Variants in AGO4 observed in about 807,000 individuals in gnomAD.
The protein encoded by AGO4 is argonaute RISC component 4.
In AGO4, 33 loss-of-function variants were observed where a neutral mutation model predicts 104.7. That is an observed-to-expected ratio of 0.32 (90% confidence interval 0.24 to 0.42). The LOEUF (loss-of-function observed/expected upper bound fraction) is 0.42, where lower values mean the gene tolerates loss of function less well. AGO4 is among the 10% of genes least tolerant of loss of function. The pLI, the probability that AGO4 is intolerant of heterozygous loss-of-function variation, is 1.00. For synonymous variants in AGO4, 331 were observed against 364.7 expected (o/e 0.91, Z 1.05); for missense variants, 711 against 1,083.4 (o/e 0.66, Z 4.83).
intron 1 of AGO4, among the ~76,000 whole-genome samples, chr1:35,815,417 T>C (rs150603438): frequency 6.6e-6 from 1 of 152,300 alleles, no homozygotes; most frequent in Non-Finnish European, 1.5e-5. Flanking sequence ...CTCCACAAGA[T>C]CTTTTTCTGC....
In AGO4 at chr1:35,821,016, A is replaced by C. The variant is rs183728386; in HGVS notation, c.186-1846A>C. Among the ~76,000 whole-genome samples, 771 of 152,254 alleles carry C rather than the reference A, an allele frequency of 5.1e-3. 2 individuals carry two copies. Among genetic ancestry groups the C allele is most frequent in the Non-Finnish European group, 9.0e-3 (615 of 68,006 alleles). ...CAAGGTCATGCAGTTCTGCCACTTA[A>C]TCATTGTGTGATCAGGGACAAGCCA... is the stretch of plus-strand genomic sequence containing the variant. On this transcript the variant is annotated intron_variant, in intron 2 of 17. Coordinates refer to ENST00000373210, the MANE Select transcript of AGO4 (RefSeq NM_017629.4).
Position 35,850,138 on chromosome 1 carries a change from T to A in AGO4, c.2176-19T>A. ...GTTTGGCACTTTGATGACTAATTAC[T>A]TTTTTTTGTTTTTTGTAGGTAGGGA... On this transcript the variant is annotated intron_variant, in intron 15 of 17. Coordinates refer to ENST00000373210, the MANE Select transcript of AGO4 (RefSeq NM_017629.4). 6.7e-7 allele frequency: 1 copy of A among 1,499,382 alleles called. No homozygotes were observed. The allele number at this position is 1,499,382 out of a possible 1,614,324, so 92.9% of individuals were successfully genotyped here. A position where few individuals can be genotyped will look rare whatever the true frequency, so the allele number is the denominator to read the frequency against.
intron 1 of AGO4, among the ~76,000 whole-genome samples, chr1:35,811,080 G>A (rs773041682): frequency 6.6e-6 from 1 of 152,006 alleles, no homozygotes; most frequent in Admixed American, 6.6e-5. Flanking sequence ...TTGAGCCTGC[G>A]AGGCAGAGGA....
chr1:35,837,394 T>G (rs1485118529), intron 13 of AGO4, among the ~76,000 whole-genome samples: 1 of 150,368 alleles, frequency 6.7e-6, no homozygotes, highest in African/African-American at 2.5e-5. Context: ...TGTTTTTTTT[T>G]TTGGGACAGG....
At position 35,841,249 on chromosome 1, in the gene AGO4, T is replaced by G. The variant is rs1644434241; in HGVS notation, c.1809T>G (p.Ile603Met). Residue 603 changes from isoleucine (I) to methionine (M), a missense_variant, in exon 14 of 18, where the codon ATT becomes ATG. This residue lies in a region of AGO4 where 401 missense variants were observed against 665.5 expected (regional missense o/e 0.60). Coordinates refer to ENST00000373210, the MANE Select transcript of AGO4 (RefSeq NM_017629.4). This position sits in a 1 kb window ranked among gnomAD's most constrained non-coding sequence, Gnocchi z 4.7. ...CAGGGGATGGGAAGAAACCTTCCAT[T>G]GCTGCTGTGGTTGGCAGTATGGATG... The part of the protein sequence containing the change: ...PPAGDGKKPS[I>M]AAVVGSMDGH... 1 of 1,614,064 alleles carries G rather than the reference T, an allele frequency of 6.2e-7. No individual in the cohort carries two copies. The highest frequency in any genetic ancestry group is 8.5e-7 in the Non-Finnish European group (1 of 1,180,026).
intron 17 of AGO4, among the ~76,000 whole-genome samples, chr1:35,852,207 A>G (rs1644718235): frequency 6.6e-6 from 1 of 152,220 alleles, no homozygotes; most frequent in African/African-American, 2.4e-5. Context: ...TGTTAAATGT[A>G]AAATGCTGTT....
chr1:35,822,139 C>T (rs1365441312), intron 2 of AGO4, among the ~76,000 whole-genome samples: 3 of 151,944 alleles, frequency 2.0e-5, no homozygotes, highest in East Asian at 3.9e-4. Flanking sequence ...CTCGGCCTCC[C>T]AAAGTGCTGG....
chr1:35,847,477 G>T (rs1644599952), intron 15 of AGO4, among the ~76,000 whole-genome samples: 1 of 152,012 alleles, frequency 6.6e-6, no homozygotes, highest in Admixed American at 6.6e-5. Flanking sequence ...CAAGTAATCT[G>T]CCTGCCTTGG....
chr1:35,841,367 G>T lies in AGO4; in HGVS notation c.1927G>T (p.Asp643Tyr). 1 of 1,614,154 alleles carries T rather than the reference G, an allele frequency of 6.2e-7. No individual in the cohort carries two copies. The highest frequency in any genetic ancestry group is 8.5e-7 in the Non-Finnish European group (1 of 1,180,036). ...CCTCTACAGTCAAGAGGTCATCCAG[G>T]ACCTGACTAACATGGTTCGAGAGCT... The part of the protein sequence containing the change: ...ELLYSQEVIQ[D>Y]LTNMVRELLI... Residue 643 changes from aspartate (D) to tyrosine (Y), a missense_variant, in exon 14 of 18, where the codon GAC (aspartate) becomes TAC (tyrosine). Asp to Tyr is a radical substitution (Grantham distance 160, BLOSUM62 -3). This residue lies in a region of AGO4 where 401 missense variants were observed against 665.5 expected (regional missense o/e 0.60). Coordinates refer to ENST00000373210, the MANE Select transcript of AGO4 (RefSeq NM_017629.4). The surrounding 1 kb of genome is among the most constrained non-coding windows in gnomAD (Gnocchi z 4.7).
chr1:35,846,521 C>T (rs1167388790), intron 15 of AGO4, among the ~76,000 whole-genome samples: 2 of 151,678 alleles, frequency 1.3e-5, no homozygotes, highest in Non-Finnish European at 1.5e-5. Flanking sequence ...GGCGTGAATC[C>T]GGGAGGTGGA....
chr1:35,825,512 G>T lies in AGO4; in HGVS notation c.488+18G>T. 1 of 1,602,470 alleles carries T rather than the reference G, an allele frequency of 6.2e-7. No homozygotes were observed. The highest frequency in any genetic ancestry group is 8.5e-7 in the Non-Finnish European group (1 of 1,173,354). On this transcript the variant is annotated intron_variant, in intron 4 of 17. Coordinates refer to ENST00000373210, the MANE Select transcript of AGO4 (RefSeq NM_017629.4). ...TCCATGAGGTTAGTACCTTGGTTTG[G>T]ATTATTTCCTACAAATGTCAGACTT...
At chr1:35,819,799 TAA>T (rs77771083) in intron 2 of AGO4, among the ~76,000 whole-genome samples, 44 of 130,892 alleles carry the variant, frequency 3.4e-4, no homozygotes, top group Admixed American at 3.9e-4. Context: ...CTCTGAGTCT[TAA>T]AAAAAAAAAA....
Position 35,808,369 on chromosome 1 carries a change from G to T in AGO4, c.-48G>T. ...GGCGGCGGCGGCGGCGGCGGGGCCC[G>T]GAGCGGGAGGCGCCGGGGACCGGGG... is the stretch of plus-strand genomic sequence containing the variant. On this transcript the variant is annotated 5_prime_UTR_variant, in exon 1 of 18. Coordinates refer to ENST00000373210, the MANE Select transcript of AGO4 (RefSeq NM_017629.4). The surrounding 1 kb of genome is among the most constrained non-coding windows in gnomAD (Gnocchi z 5.2). The T allele has an allele frequency of 9.8e-7, 1 of 1,019,492 alleles. No individual in the cohort carries two copies. The highest frequency in any genetic ancestry group is 1.2e-6 in the Non-Finnish European group (1 of 852,356). 63.2% of individuals were successfully genotyped at this position (1,019,492 alleles called of 1,614,324 possible).
chr1:35,839,660 G>GT (rs1206830807), intron 13 of AGO4, among the ~76,000 whole-genome samples: 2 of 152,034 alleles, frequency 1.3e-5, no homozygotes, highest in African/African-American at 2.4e-5. Flanking sequence ...TATGTCCGCT[G>GT]TTATTAACTT....
chr1:35,820,045 T>C (rs1419794034), intron 2 of AGO4, among the ~76,000 whole-genome samples: 1 of 152,120 alleles, frequency 6.6e-6, no homozygotes, highest in African/African-American at 2.4e-5. Context: ...AGCAGGAAGA[T>C]TGGCATGGAG....
At chr1:35,836,461 G>A (rs1011191728) in intron 13 of AGO4, among the ~76,000 whole-genome samples, 2 of 152,206 alleles carry the variant, frequency 1.3e-5, no homozygotes, top group African/African-American at 2.4e-5. Context: ...CAAGGTTGGA[G>A]TGCAGTGATG....
chr1:35,839,890 C>T (rs1644397599), intron 13 of AGO4, among the ~76,000 whole-genome samples: 2 of 151,434 alleles, frequency 1.3e-5, no homozygotes, highest in East Asian at 2.0e-4. Context: ...TCACCTGAGT[C>T]CAGGAGGTTG....
At chr1:35,816,632 C>G (rs1191984725) in intron 1 of AGO4, among the ~76,000 whole-genome samples, 1 of 151,878 alleles carries the variant, frequency 6.6e-6, no homozygotes, top group Non-Finnish European at 1.5e-5. Flanking sequence ...AACCCTGTCT[C>G]TACTAAAAAT....
rs1644302836 is a variant in AGO4 at position 35,835,928 on chromosome 1, C to T, written c.1659C>T (p.Ser553=). The T allele has an allele frequency of 1.2e-6, 2 of 1,613,952 alleles. No homozygotes were observed. Among genetic ancestry groups the T allele is most frequent in the African/African-American group, 2.7e-5 (2 of 74,902 alleles). ...TGAAGACCTCACCTCAAACCCTTTC[C>T]AATCTTTGCCTGAAGATAAATGCAA... ...NVVKTSPQTL[S]NLCLKINAKL... Residue 553 remains serine, a synonymous_variant, in exon 13 of 18, where the codon TCC becomes TCT. Coordinates refer to ENST00000373210, the MANE Select transcript of AGO4 (RefSeq NM_017629.4).
Sources: gnomAD v4.1 joint callset for allele counts (sites outside exome capture counted in the v4.1 genomes callset) on GRCh38, gnomAD v4.1.1 for gene constraint, gnomAD v4.1.1 regional missense constraint, Gnocchi (gnomAD v3.1) non-coding constraint, MANE v1.5 for transcripts, NCBI Gene and HGNC (gene_info 2026-07-23, HGNC 2026-07-21) for gene names.